The following CADM2 variants were observed in gnomAD, a reference collection of about 807,000 sequenced individuals.
CADM2 encodes cell adhesion molecule 2.
CADM2 carries 12 observed loss-of-function variants against 49.8 expected under a neutral mutation model. The observed-to-expected ratio is 0.24, with a 90% CI of 0.15 to 0.39. CADM2 has a LOEUF of 0.39. Among genes scored for constraint, CADM2 ranks in the 10% least tolerant of loss-of-function variants. CADM2 has a pLI of 1.00. For synonymous variants in CADM2, 214 were observed against 175.4 expected (o/e 1.22, Z -1.74); for missense variants, 378 against 492.3 (o/e 0.77, Z 2.20).
At chr3:85,834,930 T>C (rs1311805685) in intron 3 of CADM2, among the ~76,000 whole-genome samples, 1 of 151,632 alleles carries the variant, frequency 6.6e-6, no homozygotes. Flanking sequence ...CTAACTAGAT[T>C]AGCCAAGAAA....
chr3:85,224,861 G>A (rs567408544), intron 1 of CADM2, among the ~76,000 whole-genome samples: 4 of 152,006 alleles, frequency 2.6e-5, no homozygotes, highest in Middle Eastern at 3.4e-3. Flanking sequence ...AATAGGGATC[G>A]TTTCCCCATT....
At chr3:85,052,307 GTCCAACCCTC>G (rs1049850647) in intron 1 of CADM2, among the ~76,000 whole-genome samples, 4 of 152,052 alleles carry the variant, frequency 2.6e-5, no homozygotes, top group Admixed American at 2.0e-4. Flanking sequence ...ACAGCAACAT[GTCCAACCCTC>G]TCTCTCTTTC....
intron 1 of CADM2, among the ~76,000 whole-genome samples, chr3:85,275,875 G>A (rs1298380808): frequency 6.6e-6 from 1 of 150,534 alleles, no homozygotes; most frequent in African/African-American, 2.4e-5. Flanking sequence ...TTGACAAATA[G>A]CACTTATTAT....
chr3:85,573,288 G>T (rs1576838673), intron 1 of CADM2, among the ~76,000 whole-genome samples: 1 of 151,864 alleles, frequency 6.6e-6, no homozygotes, highest in Non-Finnish European at 1.5e-5. Flanking sequence ...TGCTTCCCGG[G>T]TTCAAGTGAT....
At chr3:85,909,720 A>G (rs1276085727) in intron 5 of CADM2, among the ~76,000 whole-genome samples, 1 of 152,214 alleles carries the variant, frequency 6.6e-6, no homozygotes, top group East Asian at 1.9e-4. Context: ...ATGCAAAGGA[A>G]AGGAAAGTGG....
At chr3:85,703,722 A>G (rs1471937184) in intron 1 of CADM2, among the ~76,000 whole-genome samples, 1 of 152,198 alleles carries the variant, frequency 6.6e-6, no homozygotes, top group African/African-American at 2.4e-5. Flanking sequence ...ATAAGGGTTT[A>G]AGTGGTTGAA....
At chr3:85,739,162 T>C (rs2068273615) in intron 2 of CADM2, among the ~76,000 whole-genome samples, 1 of 152,118 alleles carries the variant, frequency 6.6e-6, no homozygotes, top group Non-Finnish European at 1.5e-5. Context: ...ATTATCACTT[T>C]ATATATTCTA....
intron 2 of CADM2, among the ~76,000 whole-genome samples, chr3:85,795,620 C>T (rs944241824): frequency 6.6e-6 from 1 of 152,018 alleles, no homozygotes; most frequent in Admixed American, 6.6e-5. Flanking sequence ...ATGTAGAGGA[C>T]TCTAACAAAC....
intron 1 of CADM2, among the ~76,000 whole-genome samples, chr3:85,093,135 A>G (rs2037661536): frequency 2.0e-5 from 3 of 152,162 alleles, no homozygotes. Flanking sequence ...ATAAATCATC[A>G]CACTGTACTT....
intron 1 of CADM2, among the ~76,000 whole-genome samples, chr3:85,063,087 G>T (rs2036395483): frequency 1.3e-5 from 2 of 151,848 alleles, no homozygotes; most frequent in African/African-American, 4.8e-5. Flanking sequence ...CTTTAATATT[G>T]TACTATTAAA....
At chr3:85,708,875 A>G (rs1051788858) in intron 1 of CADM2, among the ~76,000 whole-genome samples, 1 of 151,500 alleles carries the variant, frequency 6.6e-6, no homozygotes, top group Non-Finnish European at 1.5e-5. Context: ...AAAAGGTTGT[A>G]TGTGTGGGAC....
At chr3:85,882,877 G>A (rs1210814910) in intron 3 of CADM2, among the ~76,000 whole-genome samples, 1 of 152,142 alleles carries the variant, frequency 6.6e-6, no homozygotes, top group Admixed American at 6.5e-5. Flanking sequence ...TATTTTTGTT[G>A]TTGCCTTGGA....
intron 3 of CADM2, among the ~76,000 whole-genome samples, chr3:85,862,569 G>A (rs370967862): frequency 4.4e-4 from 67 of 152,136 alleles, no homozygotes; most frequent in African/African-American, 1.5e-3. Flanking sequence ...TTTATCCAGG[G>A]TAATCATAGT....
chr3:85,192,334 G>T (rs1190569254), intron 1 of CADM2, among the ~76,000 whole-genome samples: 1 of 151,986 alleles, frequency 6.6e-6, no homozygotes, highest in Non-Finnish European at 1.5e-5. Context: ...TAGCTCAGTA[G>T]TGGATTTCTG....
chr3:85,506,086 C>A (rs551016493), intron 1 of CADM2, among the ~76,000 whole-genome samples: 13 of 152,294 alleles, frequency 8.5e-5, no homozygotes, highest in Admixed American at 5.2e-4. Context: ...CTACTATCAG[C>A]ACCAGGGTGT....
At chr3:85,496,663 C>T (rs767236847) in intron 1 of CADM2, among the ~76,000 whole-genome samples, 5 of 152,202 alleles carry the variant, frequency 3.3e-5, no homozygotes, top group South Asian at 4.2e-4. Flanking sequence ...CCACCAACAG[C>T]GTATAACCAT....
At chr3:85,190,389 A>T (rs2041180254) in intron 1 of CADM2, among the ~76,000 whole-genome samples, 2 of 152,046 alleles carry the variant, frequency 1.3e-5, no homozygotes, top group Admixed American at 6.6e-5. Context: ...TGAAAGTTTT[A>T]TAACCACACT....
At chr3:86,051,873 A>G (rs73136131) in intron 8 of CADM2, among the ~76,000 whole-genome samples, 7,345 of 152,140 alleles carry the variant, frequency 0.048, 389 homozygotes, top group African/African-American at 0.14. Context: ...CCACAATCCA[A>G]TCACCTCCTA....
chr3:86,038,131 A>G (rs1043715400), intron 8 of CADM2, among the ~76,000 whole-genome samples: 1 of 152,290 alleles, frequency 6.6e-6, no homozygotes, highest in East Asian at 1.9e-4. Context: ...GATAGTTTCC[A>G]GCTTGCTTTC....
Sources: gnomAD v4.1 joint callset for allele counts (sites outside exome capture counted in the v4.1 genomes callset) on GRCh38, gnomAD v4.1.1 for gene constraint, MANE v1.5 for transcripts, NCBI Gene and HGNC (gene_info 2026-07-23, HGNC 2026-07-21) for gene names.